WEE1: variants seen among roughly 807,000 people sequenced by gnomAD.
WEE1 encodes the protein wee1-like protein kinase.
WEE1 carries 16 observed loss-of-function variants against 68.8 expected under a neutral mutation model. That is an observed-to-expected ratio of 0.23 (90% CI 0.16 to 0.35). The LOEUF is 0.35. Among genes scored for constraint, WEE1 ranks in the 10% least tolerant of loss-of-function variants. The pLI is 1.00. For synonymous variants in WEE1, 349 were observed against 318.7 expected (o/e 1.09, Z -1.01); for missense variants, 651 against 824.1 (o/e 0.79, Z 2.57).
At chr11:9,575,317 C>T in intron 1 of WEE1, 2 of 987,724 alleles carry the variant, frequency 2.0e-6, no homozygotes, top group Non-Finnish European at 1.2e-6. Flanking sequence ...GCTGATACTT[C>T]CAGAGATTAA....
At chr11:9,585,638 A>G in intron 8 of WEE1, 111 bp downstream of exon 8, 17 of 927,440 alleles carry the variant, frequency 1.8e-5, no homozygotes, top group Admixed American at 3.2e-5. Flanking sequence ...GAATGGAAAT[A>G]AAATCTAAAC....
Position 9,581,662 on chromosome 11 carries a change from C to T in WEE1, c.1272C>T (p.His424=). The change falls in exon 6 of 11, where the codon CAC becomes CAT. Residue 424 remains histidine, a synonymous_variant. Transcript: ENST00000450114. ...ATATTCATTCAATGTCTTTGGTTCACATGGATATAAAACCTAGTAAGTATT... is the reference window on the plus strand; with the variant it reads ...ATATTCATTCAATGTCTTTGGTTCATATGGATATAAAACCTAGTAAGTATT... The part of the protein sequence containing the change: ...LRYIHSMSLV[H]MDIKPSNIFI... The T allele has an allele frequency of 6.2e-7, 1 of 1,612,410 alleles. No homozygotes were observed. The highest frequency in any genetic ancestry group is 8.5e-7 in the Non-Finnish European group (1 of 1,179,600).
rs1157681380 is a variant in WEE1, at chr11:9,583,761, GCACACACA to G, written c.1289-1462_1289-1455del. Among the ~76,000 whole-genome samples the G allele has an allele frequency of 3.9e-4, 19 of 48,948 alleles. No homozygotes were observed. In the East Asian group the frequency reaches 4.1e-3, roughly 10 times the overall value. The allele number at this position is 48,948 out of a possible 152,430, so 32.1% of individuals were successfully genotyped here. On this transcript the variant is annotated intron_variant, in intron 6 of 10. Transcript: ENST00000450114. ...TGCGTGTGTGTGCGTGCACGCGCGC[GCACACACA>G]CACACACACACACACACACACACAC... is the stretch of plus-strand genomic sequence containing the variant.
intron 6 of WEE1, among the ~76,000 whole-genome samples, chr11:9,583,963 A>G (rs903220134): frequency 1.3e-5 from 2 of 150,334 alleles, no homozygotes; most frequent in African/African-American, 4.9e-5. Context: ...CTCCTGCCTC[A>G]GCCTCCCTAG....
At position 9,576,758 on chromosome 11, in the gene WEE1, T is replaced by C. The variant is rs1849568988; in HGVS notation, c.1019+99T>C. On this transcript the variant is annotated intron_variant, in intron 4 of 10. Coordinates refer to ENST00000450114, the MANE Select transcript of WEE1 (RefSeq NM_003390.4). This position sits in a 1 kb window ranked among gnomAD's most constrained non-coding sequence, Gnocchi z 4.3. ...AAACACTGAATTCCATCTCTAACTTTTGAGAAGCTGTAATGATTTAATCAG... is the reference window on the plus strand; with the variant it reads ...AAACACTGAATTCCATCTCTAACTTCTGAGAAGCTGTAATGATTTAATCAG... 3 of 1,275,546 alleles carry C rather than the reference T, an allele frequency of 2.4e-6. No individual in the cohort carries two copies. Among genetic ancestry groups the C allele is most frequent in the African/African-American group, 3.0e-5 (2 of 66,706 alleles). 79.0% of individuals were successfully genotyped at this position (1,275,546 alleles called of 1,614,324 possible).
chr11:9,575,009 G>A, intron 1 of WEE1: 1 of 985,950 alleles, frequency 1.0e-6, no homozygotes, highest in Non-Finnish European at 1.2e-6. Context: ...GAAAGGTCTG[G>A]GGCATGCAGG....
At chr11:9,575,480 T>A in intron 1 of WEE1, 7 of 907,124 alleles carry the variant, frequency 7.7e-6, no homozygotes, top group Non-Finnish European at 9.5e-6. Context: ...GCAAAATCCC[T>A]CTGGAAGTGA....
In WEE1 at chr11:9,575,927, G is replaced by T. The variant is rs1849560235; in HGVS notation, c.616G>T (p.Val206Phe). Residue 206 changes from valine to phenylalanine, a missense_variant, in exon 2 of 11, where the codon GTT becomes TTT. By Grantham distance (50) the Val-to-Phe change is conservative. This residue lies in a region of WEE1 where 395 missense variants were observed against 378.4 expected (regional missense o/e 1.04). Coordinates refer to ENST00000450114, the MANE Select transcript of WEE1 (RefSeq NM_003390.4). Reference protein sequence around the residue: ...SKARGIDSSSVKLRGSSLFMD... With the variant: ...SKARGIDSSSFKLRGSSLFMD... Reference sequence around the variant, plus strand: ...AGCTCGGGGAATTGATTCCAGCTCTGTTAAACTCCGGGGTAGTTCTCTCTT... The same window carrying T: ...AGCTCGGGGAATTGATTCCAGCTCTTTTAAACTCCGGGGTAGTTCTCTCTT... 1.2e-6 allele frequency: 2 copies of T among 1,614,114 alleles called. No individual in the cohort carries two copies. The highest frequency in any genetic ancestry group is 2.7e-5 in the African/African-American group (2 of 75,030).
chr11:9,588,337 C>A, intron 10 of WEE1, 112 bp from the exon 11 acceptor site: 2 of 643,806 alleles, frequency 3.1e-6, no homozygotes, highest in Non-Finnish European at 2.4e-6. Context: ...TTTTCAATTA[C>A]ATCTTAGAAT....
intron 7 of WEE1, 23 bp downstream of exon 7, chr11:9,585,376 T>C (rs185025093): frequency 9.1e-5 from 146 of 1,609,836 alleles, no homozygotes; most frequent in Non-Finnish European, 1.1e-4. Flanking sequence ...ATCAGATTAT[T>C]ACCTTCAGAT....
chr11:9,587,793 C>T (rs1849718007), intron 10 of WEE1, among the ~76,000 whole-genome samples: 1 of 152,014 alleles, frequency 6.6e-6, no homozygotes, highest in Non-Finnish European at 1.5e-5. Flanking sequence ...GTTATGTTAA[C>T]AATTAATATT....
intron 5 of WEE1, chr11:9,580,245 TG>T (rs1257186066): frequency 6.6e-6 from 1 of 151,916 alleles, no homozygotes; most frequent in Non-Finnish European, 1.5e-5. Flanking sequence ...TGTGTGTGTG[TG>T]TGTGTGTGTG....
chr11:9,579,597 C>T (rs1341719018), intron 5 of WEE1: 1 of 152,024 alleles, frequency 6.6e-6, no homozygotes, highest in Non-Finnish European at 1.5e-5. Flanking sequence ...CCTTTCTTGC[C>T]CTTCTAGCAA....
At chr11:9,585,210 C>A in intron 6 of WEE1, 48 bp from the exon 7 acceptor site, 1 of 1,389,238 alleles carries the variant, frequency 7.2e-7, no homozygotes, top group Non-Finnish European at 1.0e-6. Flanking sequence ...TTTATGAACT[C>A]TGGTTTTATT....
In WEE1 at chr11:9,575,340, A is replaced by G. The variant is rs970097726; in HGVS notation, c.577-548A>G. ...TTCCAGAGATTAAGACAAGCCTCGC[A>G]TTTGTAAGGTTAACAGGGAAGATGC... On this transcript the variant is annotated intron_variant, in intron 1 of 10. Coordinates refer to ENST00000450114, the MANE Select transcript of WEE1 (RefSeq NM_003390.4). 11 of 989,124 alleles carry G rather than the reference A, an allele frequency of 1.1e-5. No homozygotes were observed. In the African/African-American group the frequency reaches 1.7e-4, roughly 16 times the overall value. The allele number at this position is 989,124 out of a possible 1,614,324, so 61.3% of individuals were successfully genotyped here.
At position 9,581,690 on chromosome 11, in the gene WEE1, A is replaced by G; in HGVS notation, c.1288+12A>G. ...GGATATAAAACCTAGTAAGTATTGC[A>G]GATCTTCTGACCTGTGTTCTTTGGG... On this transcript the variant is annotated intron_variant, in intron 6 of 10. Coordinates refer to ENST00000450114, the MANE Select transcript of WEE1 (RefSeq NM_003390.4). The G allele has an allele frequency of 6.2e-7, 1 of 1,604,618 alleles. No homozygotes were observed.
chr11:9,576,284 A>G lies in WEE1; in HGVS notation c.837A>G (p.Arg279=). Reference sequence around the variant, plus strand: ...ATTATGAGCTTGAAGATGAAACAAGACCTGCTAAGGTAAATAGCTTTTTAT... The same window carrying G: ...ATTATGAGCTTGAAGATGAAACAAGGCCTGCTAAGGTAAATAGCTTTTTAT... The part of the protein sequence containing the change: ...ASDYELEDET[R]PAKRITITES... The change falls in exon 3 of 11, where the codon AGA becomes AGG. Residue 279 remains arginine, a synonymous_variant. Coordinates refer to ENST00000450114, the MANE Select transcript of WEE1 (RefSeq NM_003390.4). This position sits in a 1 kb window ranked among gnomAD's most constrained non-coding sequence, Gnocchi z 4.3. 1 of 1,525,324 alleles carries G rather than the reference A, an allele frequency of 6.6e-7. No individual in the cohort carries two copies. The highest frequency in any genetic ancestry group is 1.2e-5 in the South Asian group (1 of 83,412). 94.5% of individuals were successfully genotyped at this position (1,525,324 alleles called of 1,614,324 possible).
rs1589982862 is a variant in WEE1 at position 9,589,812 on chromosome 11, A to G, written c.*1210A>G. 1.4e-6 allele frequency: 1 copy of G among 699,426 alleles called. No individual in the cohort carries two copies. Among genetic ancestry groups the G allele is most frequent in the Non-Finnish European group, 1.8e-6 (1 of 568,534 alleles). 43.3% of individuals were successfully genotyped at this position (699,426 alleles called of 1,614,324 possible). On this transcript the variant is annotated 3_prime_UTR_variant, in exon 11 of 11. Transcript: ENST00000450114. ...CTAATATTTTATCTCTATTATTGCTATACTATAAAATGTATAGTGTGTATA... is the reference window on the plus strand; with the variant it reads ...CTAATATTTTATCTCTATTATTGCTGTACTATAAAATGTATAGTGTGTATA...
intron 6 of WEE1, among the ~76,000 whole-genome samples, chr11:9,582,139 A>C (rs1849635105): frequency 6.6e-6 from 1 of 152,248 alleles, no homozygotes; most frequent in Non-Finnish European, 1.5e-5. Flanking sequence ...CTCTTCCACT[A>C]GGCCAGACCA....
Sources: gnomAD v4.1 joint callset for allele counts (sites outside exome capture counted in the v4.1 genomes callset) on GRCh38, gnomAD v4.1.1 for gene constraint, gnomAD v4.1.1 regional missense constraint, Gnocchi (gnomAD v3.1) non-coding constraint, MANE v1.5 for transcripts, NCBI Gene and HGNC (gene_info 2026-07-23, HGNC 2026-07-21) for gene names.